UBE4B: variants seen among roughly 807,000 people sequenced by gnomAD.
The protein encoded by UBE4B is ubiquitination factor E4B, also known as ubiquitin conjugation factor E4 B.
Under a neutral mutation model 148.1 loss-of-function variants are expected in UBE4B, and 27 were observed. That is an observed-to-expected ratio of 0.18 (90% confidence interval 0.13 to 0.25). The LOEUF is 0.25. Among genes scored for constraint, UBE4B ranks in the 10% least tolerant of loss-of-function variants. UBE4B has a pLI of 1.00. For synonymous variants in UBE4B, 596 were observed against 619.3 expected, an observed-to-expected ratio of 0.96 and a Z score of 0.56; for missense variants, 1,170 against 1,662.4, an observed-to-expected ratio of 0.70 and a Z score of 5.15.
Position 10,095,473 on chromosome 1 carries a change from G to A in UBE4B, c.224G>A (p.Arg75Gln), listed in dbSNP as rs996720320. 21 of 1,613,940 alleles carry A rather than the reference G, an allele frequency of 1.3e-5. No homozygotes were observed. In the East Asian group the frequency reaches 1.3e-4, roughly 10 times the overall value. The change falls in exon 3 of 28, where the codon CGA becomes CAA. Residue 75 changes from arginine to glutamine, a missense_variant. By Grantham distance (43) the Arg-to-Gln change is conservative. Around this residue, in one of 6 missense-constraint regions of UBE4B, gnomAD observed 127 missense variants for 153.2 expected, o/e 0.83. Coordinates refer to ENST00000343090, the MANE Select transcript of UBE4B (RefSeq NM_001105562.3). ...SPIGASGVAH[R>Q]SQSSEGVSSL... The stretch of plus-strand genomic sequence containing the variant: ...GTTTTCTGTTTAGGAGTAGCCCATC[G>A]AAGCCAGAGCAGTGAAGGAGTCAGT...
chr1:10,139,726 T>C (rs191756209), intron 17 of UBE4B, among the ~76,000 whole-genome samples: 168 of 152,302 alleles, frequency 1.1e-3, no homozygotes, highest in African/African-American at 3.9e-3. Context: ...TTATTTATTT[T>C]AGTTTTTGAG....
At chr1:10,082,414 T>C (rs1644697337) in intron 2 of UBE4B, among the ~76,000 whole-genome samples, 1 of 152,070 alleles carries the variant, frequency 6.6e-6, no homozygotes, top group Non-Finnish European at 1.5e-5. Flanking sequence ...GGCATGAGAA[T>C]CACTTGAACC....
chr1:10,061,540 C>T (rs1003454494), intron 1 of UBE4B, among the ~76,000 whole-genome samples: 2 of 152,144 alleles, frequency 1.3e-5, no homozygotes, highest in Non-Finnish European at 2.9e-5. Flanking sequence ...GGTGAGCCAC[C>T]GCACTTGGCC....
intron 17 of UBE4B, among the ~76,000 whole-genome samples, chr1:10,140,610 C>T (rs1043506979): frequency 6.6e-6 from 1 of 152,162 alleles, no homozygotes; most frequent in African/African-American, 2.4e-5. Flanking sequence ...ACAGTCACTC[C>T]CGCTGGCTTT....
chr1:10,160,734 C>T (rs1260443792), intron 22 of UBE4B, among the ~76,000 whole-genome samples: 1 of 152,046 alleles, frequency 6.6e-6, no homozygotes, highest in Non-Finnish European at 1.5e-5. Context: ...AACGCTTGAG[C>T]CCAGGAGTTT....
rs181107294 is a variant in UBE4B at position 10,109,963 on chromosome 1, T to C, written c.1196+3380T>C. ...GTCCGCCCACCTCGGCCTCCCAAAT[T>C]GCTGGGATTACAGGCGTGAGCCACT... On this transcript the variant is annotated intron_variant, in intron 7 of 27. Transcript: ENST00000343090. Among the ~76,000 whole-genome samples, 194 of 152,216 alleles carry C rather than the reference T, an allele frequency of 1.3e-3. 4 individuals carry two copies. The East Asian group carries it at 0.033, about 26-fold the overall frequency.
intron 7 of UBE4B, among the ~76,000 whole-genome samples, chr1:10,110,679 A>G (rs1446985486): frequency 1.3e-5 from 2 of 152,182 alleles, no homozygotes; most frequent in Non-Finnish European, 2.9e-5. Context: ...TTGTTTTTTA[A>G]CTGTAAATAT....
chr1:10,165,354 T>G (rs1271360364), intron 23 of UBE4B, among the ~76,000 whole-genome samples: 4 of 152,090 alleles, frequency 2.6e-5, no homozygotes, highest in African/African-American at 9.7e-5. Context: ...TCTGACCTCT[T>G]CTCAGCACCT....
At chr1:10,132,507 C>T (rs753716618) in intron 15 of UBE4B, 25 bp downstream of exon 15, 28 of 1,596,960 alleles carry the variant, frequency 1.8e-5, no homozygotes, top group Middle Eastern at 1.7e-4. Flanking sequence ...GACTGCTTTT[C>T]GCTGTTTGTC....
intron 21 of UBE4B, among the ~76,000 whole-genome samples, chr1:10,153,220 T>C (rs1340019339): frequency 2.0e-5 from 3 of 151,860 alleles, no homozygotes; most frequent in Non-Finnish European, 4.4e-5. Flanking sequence ...AAAGAGTGCA[T>C]GTGGGCTGGG....
chr1:10,054,464 A>G, intron 1 of UBE4B: 1 of 419,114 alleles, frequency 2.4e-6, no homozygotes, highest in Non-Finnish European at 4.6e-6. Flanking sequence ...CATAGGTAAT[A>G]GGTTCCAGCA....
At chr1:10,144,852 C>T (rs943559330) in intron 17 of UBE4B, 88 bp from the exon 18 acceptor site, 10 of 846,946 alleles carry the variant, frequency 1.2e-5, no homozygotes, top group South Asian at 3.7e-5. Context: ...CAAACAACTG[C>T]GTGTGAGAGT....
At chr1:10,060,556 G>A (rs1053265749) in intron 1 of UBE4B, among the ~76,000 whole-genome samples, 1 of 152,164 alleles carries the variant, frequency 6.6e-6, no homozygotes, top group Admixed American at 6.6e-5. Flanking sequence ...AGGTTCGGAT[G>A]AGTCCTGAAT....
At chr1:10,055,710 A>G (rs1644153922) in intron 1 of UBE4B, among the ~76,000 whole-genome samples, 1 of 152,128 alleles carries the variant, frequency 6.6e-6, no homozygotes, top group South Asian at 2.1e-4. Context: ...ACTTGAGATG[A>G]GGAGTTTGAG....
Position 10,174,777 on chromosome 1 carries a change from T to C in UBE4B, c.3525+3448T>C, listed in dbSNP as rs1646392729. ...TGTGTGCTGATTGTTGGGTATTTTC[T>C]ATTTATATTGGCCATAAGCTGATTA... On this transcript the variant is annotated intron_variant, in intron 25 of 27. Coordinates refer to ENST00000343090, the MANE Select transcript of UBE4B (RefSeq NM_001105562.3). Among the ~76,000 whole-genome samples the C allele has an allele frequency of 1.3e-5, 2 of 151,974 alleles. 1 individual carries two copies. The highest frequency in any genetic ancestry group is 4.2e-4 in the South Asian group (2 of 4,808).
chr1:10,175,463 A>G (rs975674704), intron 25 of UBE4B, among the ~76,000 whole-genome samples: 16 of 150,510 alleles, frequency 1.1e-4, no homozygotes, highest in South Asian at 2.1e-4. Flanking sequence ...CGTCCTGGCT[A>G]ACACGGTGAA....
In UBE4B at chr1:10,042,868, A is replaced by G. The variant is rs753334994; in HGVS notation, c.24+9174A>G. 5.9e-5 allele frequency among the ~76,000 whole-genome samples: 9 copies of G among 152,252 alleles called. No homozygotes were observed. In the East Asian group the frequency reaches 7.7e-4, roughly 13 times the overall value. ...AGCTTGCTCGGGGAAGAATGTTCCC[A>G]GGTAAAGGGAACAGCAGGTTCAGAA... On this transcript the variant is annotated intron_variant, in intron 1 of 27. Coordinates refer to ENST00000343090, the MANE Select transcript of UBE4B (RefSeq NM_001105562.3).
At chr1:10,178,513 G>T in intron 25 of UBE4B, 131 bp from the exon 26 acceptor site, 1 of 792,234 alleles carries the variant, frequency 1.3e-6, no homozygotes, top group Non-Finnish European at 1.9e-6. Flanking sequence ...ATATATAAGT[G>T]TATATATAAT....
At chr1:10,119,285 A>C (rs1054880984) in intron 8 of UBE4B, among the ~76,000 whole-genome samples, 1 of 152,144 alleles carries the variant, frequency 6.6e-6, no homozygotes, top group Non-Finnish European at 1.5e-5. Flanking sequence ...TAAGGTTCTT[A>C]AGTATAAGTT....
Sources: allele counts gnomAD v4.1 joint callset (sites outside exome capture counted in the v4.1 genomes callset), GRCh38; gene constraint gnomAD v4.1.1; regional missense constraint gnomAD v4.1.1; transcripts MANE v1.5; gene names NCBI Gene and HGNC (gene_info 2026-07-23, HGNC 2026-07-21).